The following TMEM235 variants were observed in gnomAD, a reference collection of about 807,000 sequenced individuals.
The protein encoded by TMEM235 is transmembrane protein 235.
In TMEM235, 23 loss-of-function variants were observed where a neutral mutation model predicts 22.9. That is an observed-to-expected ratio of 1.00 (90% CI 0.72 to 1.42). The LOEUF (loss-of-function observed/expected upper bound fraction) is 1.42, where lower values mean the gene tolerates loss of function less well. TMEM235 is among the 40% of genes most tolerant of loss of function. The pLI is 0.00. For synonymous variants in TMEM235, 137 were observed against 140.5 expected (o/e 0.98, Z 0.17); for missense variants, 308 against 299.5 (o/e 1.03, Z -0.21).
rs75315751 is a variant in TMEM235 at position 78,238,585 on chromosome 17, T to A, written c.410-439T>A. 7.8e-4 allele frequency among the ~76,000 whole-genome samples: 111 copies of A among 143,022 alleles called. No homozygotes were observed. Among genetic ancestry groups the A allele is most frequent in the South Asian group, 3.7e-3 (17 of 4,550 alleles). The allele number at this position is 143,022 out of a possible 152,430, so 93.8% of individuals were successfully genotyped here. ...GTGTGTGTGTGTGTGTGTGTGTGTG[T>A]GAATGTGTGCAAATGTGTTCGTGTA... On this transcript the variant is annotated intron_variant, in intron 4 of 5. Transcript: ENST00000421688. This position sits in a 1 kb window ranked among gnomAD's most constrained non-coding sequence, Gnocchi z 4.3.
exon 6 of TMEM235, chr17:78,240,025 G>A: frequency 6.6e-7 from 1 of 1,515,032 alleles, no homozygotes; most frequent in Non-Finnish European, 8.9e-7. Context: ...AGCCTGCTAG[G>A]TACTTTTCAC....
intron 4 of TMEM235, among the ~76,000 whole-genome samples, chr17:78,235,778 T>G (rs1366364266): frequency 7.2e-5 from 11 of 152,042 alleles, no homozygotes; most frequent in Admixed American, 7.2e-4. Context: ...TTTTTTTGTA[T>G]TTTTAGTAGA....
rs114911022 is a variant in TMEM235 at position 78,235,576 on chromosome 17, C to T, written c.409+846C>T. Among the ~76,000 whole-genome samples the T allele has an allele frequency of 8.9e-3, 1,336 of 149,570 alleles. 26 individuals carry two copies. Among genetic ancestry groups the T allele is most frequent in the African/African-American group, 0.031 (1,268 of 40,752 alleles). ...TGCTGGGATTATAGGTGTGAGGCAC[C>T]GTTCCCAGCTGGGTGCTACATAGTT... On this transcript the variant is annotated intron_variant, in intron 4 of 5. Coordinates refer to ENST00000421688, the Ensembl canonical transcript of TMEM235.
At chr17:78,235,577 G>C (rs568595306) in intron 4 of TMEM235, among the ~76,000 whole-genome samples, 1 of 148,520 alleles carries the variant, frequency 6.7e-6, no homozygotes, top group South Asian at 2.1e-4. Context: ...GTGAGGCACC[G>C]TTCCCAGCTG....
intron 5 of TMEM235, among the ~76,000 whole-genome samples, chr17:78,239,576 G>C (rs918259794): frequency 2.0e-5 from 3 of 152,206 alleles, no homozygotes; most frequent in Non-Finnish European, 4.4e-5. Context: ...CACAGGCTGA[G>C]TGGCAGAGTT....
intron 2 of TMEM235, among the ~76,000 whole-genome samples, chr17:78,232,692 T>A (rs2076596622): frequency 6.6e-6 from 1 of 150,810 alleles, no homozygotes; most frequent in Non-Finnish European, 1.5e-5. Flanking sequence ...GAGAAGGGGA[T>A]CCCAGCAGGC....
At chr17:78,233,618 C>T (rs2076608217) in intron 2 of TMEM235, among the ~76,000 whole-genome samples, 1 of 151,908 alleles carries the variant, frequency 6.6e-6, no homozygotes, top group African/African-American at 2.4e-5. Context: ...TGGCGCGAAA[C>T]CGGGAGGCGG....
chr17:78,232,762 G>T (rs569813519), intron 2 of TMEM235, among the ~76,000 whole-genome samples: 1 of 149,564 alleles, frequency 6.7e-6, no homozygotes, highest in Admixed American at 6.6e-5. Flanking sequence ...GCTGGGGCCA[G>T]CCTGGGGAGC....
exon 2 of TMEM235, chr17:78,232,138 G>C (rs1457305312): frequency 1.3e-6 from 2 of 1,488,098 alleles, no homozygotes; most frequent in Admixed American, 4.5e-5. Context: ...GGTGGCGGAC[G>C]CCGGCAATGG....
chr17:78,233,808 T>G, intron 2 of TMEM235, 87 bp from the exon 2 acceptor site: 1 of 1,207,286 alleles, frequency 8.3e-7, no homozygotes, highest in Non-Finnish European at 1.2e-6. Flanking sequence ...CAGGGCCCTG[T>G]GGTGCCAGGG....
chr17:78,233,166 T>A (rs2076603600), intron 2 of TMEM235, among the ~76,000 whole-genome samples: 1 of 152,118 alleles, frequency 6.6e-6, no homozygotes, highest in Admixed American at 6.5e-5. Flanking sequence ...CCTGTGCCTA[T>A]GCAGGTGGCT....
rs750495355 is a variant in TMEM235 at position 78,238,585 on chromosome 17, T to TGTGTGTGTGTGAGTGA, written c.410-438_410-437insTGTGTGTGTGAGTGAG. On this transcript the variant is annotated intron_variant, in intron 4 of 5. Coordinates refer to ENST00000421688, the Ensembl canonical transcript of TMEM235. The surrounding 1 kb of genome is among the most constrained non-coding windows in gnomAD (Gnocchi z 4.3). ...GTGTGTGTGTGTGTGTGTGTGTGTG[T>TGTGTGTGTGTGAGTGA]GAATGTGTGCAAATGTGTTCGTGTA... 7.0e-6 allele frequency among the ~76,000 whole-genome samples: 1 copy of TGTGTGTGTGTGAGTGA among 142,912 alleles called. No individual in the cohort carries two copies. The highest frequency in any genetic ancestry group is 1.5e-5 in the Non-Finnish European group (1 of 66,006). The allele number at this position is 142,912 out of a possible 152,430, so 93.8% of individuals were successfully genotyped here. A position where few individuals can be genotyped will look rare whatever the true frequency, so the allele number is the denominator to read the frequency against.
exon 2 of TMEM235, chr17:78,232,022 C>T: frequency 7.8e-7 from 1 of 1,289,794 alleles, no homozygotes; most frequent in Non-Finnish European, 9.8e-7. Flanking sequence ...CCGGCCGCCC[C>T]CATGGCCCGG....
exon 2 of TMEM235, chr17:78,231,969 C>T: frequency 9.4e-7 from 1 of 1,067,064 alleles, no homozygotes; most frequent in Non-Finnish European, 1.1e-6. Flanking sequence ...GCGCGCCCCC[C>T]GCCGCCCCCG....
At chr17:78,240,709 T>G (rs2081114201) in exon 6 of TMEM235, 1 of 152,184 alleles carries the variant, frequency 6.6e-6, no homozygotes, top group Admixed American at 6.5e-5. Context: ...CTAGGTCTCT[T>G]TATTGATTCA....
exon 2 of TMEM235, chr17:78,231,714 C>T (rs2076580790): frequency 2.4e-6 from 3 of 1,269,584 alleles, no homozygotes. Flanking sequence ...GGAACGTGCC[C>T]AGGGACCCGG....
exon 5 of TMEM235, chr17:78,239,151 C>A: frequency 6.5e-7 from 1 of 1,542,836 alleles, no homozygotes; most frequent in African/African-American, 1.4e-5. Flanking sequence ...GGTCCATGGC[C>A]CTGGCCTGGG....
chr17:78,236,157 G>A (rs1159350936), intron 4 of TMEM235, among the ~76,000 whole-genome samples: 2 of 152,210 alleles, frequency 1.3e-5, no homozygotes, highest in African/African-American at 2.4e-5. Flanking sequence ...GAGCACCGGG[G>A]TCCAAGCTTC....
intron 5 of TMEM235, 59 bp downstream of exon 4, chr17:78,239,332 C>G: frequency 6.7e-7 from 1 of 1,489,198 alleles, no homozygotes; most frequent in Non-Finnish European, 8.9e-7. Flanking sequence ...AGGGCCAGGG[C>G]CCCTTGAGAG....
Sources: allele counts gnomAD v4.1 joint callset (sites outside exome capture counted in the v4.1 genomes callset), GRCh38; gene constraint gnomAD v4.1.1; non-coding constraint Gnocchi (gnomAD v3.1); transcripts MANE v1.5; gene names NCBI Gene and HGNC (gene_info 2026-07-23, HGNC 2026-07-21).